The following SLC13A3 variants were observed in gnomAD, a reference collection of about 807,000 sequenced individuals.
The protein encoded by SLC13A3 is Na(+)/dicarboxylate cotransporter 3.
In SLC13A3, 40 loss-of-function variants were observed where a neutral mutation model predicts 59.0. The observed-to-expected ratio is 0.68, with a 90% confidence interval of 0.53 to 0.88. The LOEUF is 0.88. Ranked by LOEUF, SLC13A3 falls within the 40% of genes least tolerant of loss-of-function variation. The probability of loss-of-function intolerance (pLI) is 0.00; values close to 1 mark genes in which losing one functional copy is unlikely to be tolerated. For synonymous variants in SLC13A3, 317 were observed against 330.3 expected, an observed-to-expected ratio of 0.96 and a Z score of 0.44; for missense variants, 699 against 783.2, an observed-to-expected ratio of 0.89 and a Z score of 1.28.
At chr20:46,564,408 A>G (rs1200871994) in intron 11 of SLC13A3, among the ~76,000 whole-genome samples, 1 of 152,196 alleles carries the variant, frequency 6.6e-6, no homozygotes, top group African/African-American at 2.4e-5. Flanking sequence ...CCCAAAGCAT[A>G]TTTATTTTCT....
chr20:46,663,224 G>A (rs560150624), intron 1 of SLC13A3, among the ~76,000 whole-genome samples: 6 of 152,260 alleles, frequency 3.9e-5, no homozygotes, highest in East Asian at 3.9e-4. Flanking sequence ...CAGGAGGACC[G>A]TTTGAGCTCA....
At chr20:46,564,883 T>G (rs1179091471) in intron 11 of SLC13A3, among the ~76,000 whole-genome samples, 1 of 152,234 alleles carries the variant, frequency 6.6e-6, no homozygotes, top group Admixed American at 6.5e-5. Context: ...TAATGGAATA[T>G]TCTCCCGTCA....
chr20:46,614,761 G>A (rs891729634), intron 1 of SLC13A3, among the ~76,000 whole-genome samples: 8 of 152,268 alleles, frequency 5.3e-5, no homozygotes, highest in African/African-American at 1.9e-4. Flanking sequence ...GCAGACCAGG[G>A]TAGACCAAAG....
intron 1 of SLC13A3, among the ~76,000 whole-genome samples, chr20:46,638,889 C>G (rs893613484): frequency 1.3e-5 from 2 of 152,166 alleles, no homozygotes; most frequent in East Asian, 3.8e-4. Flanking sequence ...GCCAGTAGCA[C>G]CCTACTCCCA....
At chr20:46,684,052 C>T (rs953684295) in intron 1 of SLC13A3, among the ~76,000 whole-genome samples, 13 of 152,168 alleles carry the variant, frequency 8.5e-5, no homozygotes, top group African/African-American at 3.1e-4. Flanking sequence ...CAGGATCCGG[C>T]CCCGCCTCTC....
chr20:46,625,715 C>T (rs2062661769), intron 1 of SLC13A3, among the ~76,000 whole-genome samples: 1 of 152,138 alleles, frequency 6.6e-6, no homozygotes, highest in Admixed American at 6.5e-5. Flanking sequence ...ACAGGATGTA[C>T]TTCTGTCTCT....
At chr20:46,664,319 C>T (rs1298679119) in intron 1 of SLC13A3, among the ~76,000 whole-genome samples, 1 of 152,200 alleles carries the variant, frequency 6.6e-6, no homozygotes, top group Non-Finnish European at 1.5e-5. Context: ...AGCGACCCTC[C>T]TGAGTTAGTA....
rs188134132 is a variant in SLC13A3, at chr20:46,604,548, G to A, written c.542-4511C>T. On this transcript the variant is annotated intron_variant, in intron 3 of 12. Coordinates refer to ENST00000279027, the MANE Select transcript of SLC13A3 (RefSeq NM_022829.6). ...CAGCCATGTGGACATTCCTTGTCTC[G>A]CCCCGTGGTTTGGGGAAGTCCCTTC... Among the ~76,000 whole-genome samples, 213 of 151,984 alleles carry A rather than the reference G, an allele frequency of 1.4e-3. 1 individual carries two copies. Among genetic ancestry groups the A allele is most frequent in the East Asian group, 1.9e-3 (10 of 5,148 alleles).
intron 1 of SLC13A3, among the ~76,000 whole-genome samples, chr20:46,675,396 AT>A (rs1259111085): frequency 7.9e-6 from 1 of 126,718 alleles, no homozygotes; most frequent in Non-Finnish European, 1.6e-5. Context: ...CGCCCAGCTA[AT>A]TTTTTTTCTT....
At chr20:46,608,889 T>G (rs2062463022) in intron 3 of SLC13A3, 1 of 1,549,882 alleles carries the variant, frequency 6.5e-7, no homozygotes, top group East Asian at 2.4e-5. Context: ...GGGTCCCAGG[T>G]GCCATCATAT....
chr20:46,600,686 A>G (rs976491060), intron 3 of SLC13A3: 70 of 391,374 alleles, frequency 1.8e-4, no homozygotes, highest in African/African-American at 1.4e-3. Context: ...TCATTCATCC[A>G]AAAAGTATTT....
intron 1 of SLC13A3, among the ~76,000 whole-genome samples, chr20:46,630,558 T>G (rs767125879): frequency 7.2e-5 from 11 of 152,204 alleles, no homozygotes; most frequent in Non-Finnish European, 1.5e-4. Context: ...CGAGGTGGGA[T>G]TGTGGTCTTT....
At chr20:46,601,400 G>A (rs1285885834) in intron 3 of SLC13A3, among the ~76,000 whole-genome samples, 1 of 152,148 alleles carries the variant, frequency 6.6e-6, no homozygotes, top group African/African-American at 2.4e-5. Context: ...GTTCTTTTGA[G>A]ATAAGAGCTT....
intron 10 of SLC13A3, among the ~76,000 whole-genome samples, chr20:46,570,935 C>G (rs1251840423): frequency 6.6e-6 from 1 of 151,990 alleles, no homozygotes; most frequent in African/African-American, 2.4e-5. Context: ...AAAAACATAC[C>G]CGGGTGTGGG....
intron 1 of SLC13A3, among the ~76,000 whole-genome samples, chr20:46,643,759 T>G (rs1302569949): frequency 1.3e-5 from 2 of 152,182 alleles, no homozygotes; most frequent in African/African-American, 2.4e-5. Flanking sequence ...AAAACATTGA[T>G]GAGGCCAGAT....
chr20:46,674,602 C>CGT (rs142752461), upstream of SLC13A3, among the ~76,000 whole-genome samples: 3,573 of 114,258 alleles, frequency 0.031, 81 homozygotes, highest in East Asian at 0.12. Flanking sequence ...CGCGCGCGCG[C>CGT]GCGTGTGTGT....
In SLC13A3 at chr20:46,610,606, G is replaced by A. The variant is rs184457590; in HGVS notation, c.381C>T (p.Leu127=). Reference sequence around the variant, plus strand: ...AGGTGGTCACCATCATCCCCAGGATGAGCCTGCAGAGCAGATGGCATTAGA... The same window carrying A: ...AGGTGGTCACCATCATCCCCAGGATAAGCCTGCAGAGCAGATGGCATTAGA... The part of the protein sequence containing the change: ...LMLVGVQPAR[L]ILGMMVTTSF... The change falls in exon 3 of 13, where the codon CTC becomes CTT. Residue 127 remains leucine (L), a synonymous_variant. Transcript: ENST00000279027. 9.9e-6 allele frequency: 16 copies of A among 1,611,390 alleles called. No homozygotes were observed. Among genetic ancestry groups the A allele is most frequent in the South Asian group, 2.2e-5 (2 of 90,686 alleles).
chr20:46,563,316 G>T, intron 12 of SLC13A3, 98 bp downstream of exon 12: 1 of 1,379,750 alleles, frequency 7.2e-7, no homozygotes, highest in Non-Finnish European at 9.8e-7. Context: ...AGACTGGGGA[G>T]TGGGGTCAGC....
intron 1 of SLC13A3, among the ~76,000 whole-genome samples, chr20:46,639,182 G>T (rs893634466): frequency 6.7e-6 from 1 of 150,198 alleles, no homozygotes; most frequent in African/African-American, 2.5e-5. Flanking sequence ...GGTGGCTCAC[G>T]CCTGTAATCC....
Sources: allele counts gnomAD v4.1 joint callset (sites outside exome capture counted in the v4.1 genomes callset), GRCh38; gene constraint gnomAD v4.1.1; transcripts MANE v1.5; gene names NCBI Gene and HGNC (gene_info 2026-07-23, HGNC 2026-07-21).